Variants in ENOX2 observed in about 807,000 individuals in gnomAD.
ENOX2 encodes the protein ecto-NOX disulfide-thiol exchanger 2.
ENOX2 carries 36 observed loss-of-function variants against 45.0 expected under a neutral mutation model. That is an observed-to-expected ratio of 0.80 (90% CI 0.61 to 1.06). The LOEUF is 1.06. ENOX2 is among the 50% of genes least tolerant of loss of function. ENOX2 has a pLI of 0.00. For missense variants in ENOX2, 423 were observed against 462.5 expected (o/e 0.91, Z 0.78); for synonymous variants, 174 against 152.3 (o/e 1.14, Z -1.05).
intron 2 of ENOX2, among the ~76,000 whole-genome samples, chrX:130,788,154 T>C (rs2076995479): frequency 8.9e-6 from 1 of 112,227 alleles, no homozygotes; most frequent in South Asian, 3.7e-4. Context: ...CTAGTCCCAT[T>C]AAAATGATTA....
intron 4 of ENOX2, among the ~76,000 whole-genome samples, chrX:130,696,609 T>G (rs2037769198): frequency 8.9e-6 from 1 of 112,194 alleles, no homozygotes. Flanking sequence ...TTACTGCATT[T>G]TTAGTTTTTA....
intron 10 of ENOX2, among the ~76,000 whole-genome samples, chrX:130,638,858 G>A (rs1174535203): frequency 1.8e-5 from 2 of 111,504 alleles, no homozygotes. Context: ...GTGGTGTTGT[G>A]TGCCTGTAAT....
At chrX:130,703,048 G>A in intron 4 of ENOX2, 72 bp downstream of exon 4, 1 of 1,020,421 alleles carries the variant, frequency 9.8e-7, no homozygotes, top group Non-Finnish European at 1.3e-6. Context: ...AATAAGTTGT[G>A]TCATACTGCT....
At chrX:130,848,170 G>T (rs1465280172) in intron 2 of ENOX2, among the ~76,000 whole-genome samples, 1 of 111,696 alleles carries the variant, frequency 9.0e-6, no homozygotes, top group Non-Finnish European at 1.9e-5. Context: ...ATAGTTAGAA[G>T]ATCTTATGCA....
intron 3 of ENOX2, among the ~76,000 whole-genome samples, chrX:130,737,451 C>T (rs1004040978): frequency 7.3e-5 from 8 of 110,212 alleles, no homozygotes; most frequent in South Asian, 3.8e-4. Context: ...CATGCGCGTG[C>T]GCACGCACAC....
At chrX:130,720,455 G>A (rs2038446294) in intron 3 of ENOX2, among the ~76,000 whole-genome samples, 1 of 112,201 alleles carries the variant, frequency 8.9e-6, no homozygotes. Flanking sequence ...CAATGGGTCA[G>A]GGTTTTTACT....
chrX:130,823,980 A>C (rs1048840538), intron 2 of ENOX2, among the ~76,000 whole-genome samples: 3 of 112,211 alleles, frequency 2.7e-5, no homozygotes, highest in Middle Eastern at 4.6e-3. Context: ...GAATACATTT[A>C]ACTCATTATT....
chrX:130,700,969 T>G (rs1315416053), intron 4 of ENOX2, among the ~76,000 whole-genome samples: 1 of 111,788 alleles, frequency 8.9e-6, no homozygotes, highest in East Asian at 2.8e-4. Context: ...TTTAGAAAAC[T>G]TACCCCAATC....
intron 3 of ENOX2, among the ~76,000 whole-genome samples, chrX:130,754,238 T>C (rs1274992573): frequency 8.9e-6 from 1 of 111,836 alleles, no homozygotes; most frequent in Non-Finnish European, 1.9e-5. Context: ...GAAGCTGAAG[T>C]ATAAAATTTC....
At chrX:130,675,542 A>T (rs1003110598) in intron 6 of ENOX2, among the ~76,000 whole-genome samples, 1 of 112,531 alleles carries the variant, frequency 8.9e-6, no homozygotes, top group Non-Finnish European at 1.9e-5. Context: ...ATTCATCAGG[A>T]ACAGACCTGC....
At chrX:130,876,414 G>A (rs1419733802) in intron 2 of ENOX2, among the ~76,000 whole-genome samples, 2 of 111,745 alleles carry the variant, frequency 1.8e-5, no homozygotes, top group East Asian at 5.6e-4. Context: ...AGAGGGAGTA[G>A]ATTAGTAGTT....
rs147510505 is a variant in ENOX2 at position 130,819,357 on chromosome X, C to T, written c.-182-35667G>A. ...CCAGGACCAGAAATACCATTTGACC[C>T]GGCAATCTCATTACTGGGTATATAC... On this transcript the variant is annotated intron_variant, in intron 2 of 14. Coordinates refer to ENST00000394363, the MANE Select transcript of ENOX2 (RefSeq NM_006375.4). 1.1e-3 allele frequency among the ~76,000 whole-genome samples: 121 copies of T among 111,582 alleles called. No homozygotes were observed. In the East Asian group the frequency reaches 0.018, roughly 16 times the overall value.
At chrX:130,855,642 A>C (rs753667081) in intron 2 of ENOX2, among the ~76,000 whole-genome samples, 29 of 111,792 alleles carry the variant, frequency 2.6e-4, no homozygotes, top group African/African-American at 8.8e-4. Flanking sequence ...TAATCAAAGA[A>C]AGAAAAATCT....
chrX:130,902,667 C>T (rs1321740746), intron 1 of ENOX2, among the ~76,000 whole-genome samples: 2 of 108,457 alleles, frequency 1.8e-5, no homozygotes, highest in African/African-American at 6.7e-5. Context: ...AAGAGATCAC[C>T]CAATTCCTGC....
intron 6 of ENOX2, among the ~76,000 whole-genome samples, chrX:130,678,794 C>T (rs2037221497): frequency 9.0e-6 from 1 of 111,248 alleles, no homozygotes; most frequent in African/African-American, 3.3e-5. Flanking sequence ...GTCTATCTGC[C>T]TCACCCTTTG....
At chrX:130,766,457 A>G (rs987394048) in intron 3 of ENOX2, among the ~76,000 whole-genome samples, 3 of 112,380 alleles carry the variant, frequency 2.7e-5, no homozygotes, top group African/African-American at 9.7e-5. Context: ...AAATTTTAAT[A>G]CAGTTAAATG....
At chrX:130,842,647 G>A (rs1434864872) in intron 2 of ENOX2, among the ~76,000 whole-genome samples, 3 of 111,612 alleles carry the variant, frequency 2.7e-5, no homozygotes, top group African/African-American at 6.5e-5. Context: ...TATCTTATTC[G>A]TTCTCTCTGC....
intron 2 of ENOX2, among the ~76,000 whole-genome samples, chrX:130,882,687 C>T (rs974715069): frequency 8.0e-5 from 9 of 111,971 alleles, no homozygotes; most frequent in Non-Finnish European, 1.7e-4. Flanking sequence ...AGACTACCAA[C>T]GATGGGGGTT....
intron 10 of ENOX2, 151 bp from the exon 11 acceptor site, chrX:130,637,561 C>T: frequency 2.4e-6 from 1 of 424,995 alleles, no homozygotes; most frequent in Non-Finnish European, 4.0e-6. Context: ...GCACACAGGC[C>T]TGTTTTTATA....
Sources: allele counts gnomAD v4.1 joint callset (sites outside exome capture counted in the v4.1 genomes callset), GRCh38; gene constraint gnomAD v4.1.1; transcripts MANE v1.5; gene names NCBI Gene and HGNC (gene_info 2026-07-23, HGNC 2026-07-21).